TMEM132C: variants seen among roughly 807,000 people sequenced by gnomAD.
TMEM132C encodes transmembrane protein 132C, also known as protein phosphatase 1, regulatory subunit 152.
A neutral mutation model predicts 61.4 loss-of-function variants in TMEM132C; 29 were observed. The observed-to-expected ratio is 0.47, with a 90% CI of 0.35 to 0.64. The LOEUF is 0.64. TMEM132C is among the 30% of genes least tolerant of loss of function. TMEM132C has a pLI of 0.00. For synonymous variants in TMEM132C, 656 were observed against 633.1 expected, an observed-to-expected ratio of 1.04 and a Z score of -0.54; for missense variants, 1,408 against 1,476.9, an observed-to-expected ratio of 0.95 and a Z score of 0.76.
intron 1 of TMEM132C, among the ~76,000 whole-genome samples, chr12:128,347,431 C>T (rs958655955): frequency 1.4e-5 from 2 of 139,340 alleles, no homozygotes; most frequent in Non-Finnish European, 3.0e-5. Context: ...CTCTCTCTCT[C>T]TCTCTCTCCT....
intron 2 of TMEM132C, among the ~76,000 whole-genome samples, chr12:128,501,583 G>T (rs1210653568): frequency 6.6e-6 from 1 of 152,162 alleles, no homozygotes; most frequent in African/African-American, 2.4e-5. Flanking sequence ...AACATGGGCT[G>T]TGACGTGCTC....
rs562758406 is a variant in TMEM132C, at chr12:128,486,442, G to A, written c.975-57515G>A. Among the ~76,000 whole-genome samples the A allele has an allele frequency of 2.5e-3, 376 of 152,148 alleles. 1 individual carries two copies. Among genetic ancestry groups the A allele is most frequent in the Non-Finnish European group, 4.4e-3 (301 of 68,018 alleles). ...AAATGGATTGGGAGGAAATTAGCCC[G>A]AGGAGAGTCTACAAGCTAAGAGGCA... On this transcript the variant is annotated intron_variant, in intron 2 of 8. Coordinates refer to ENST00000435159, the MANE Select transcript of TMEM132C (RefSeq NM_001136103.3).
At chr12:128,374,534 G>A (rs1421265181) in intron 1 of TMEM132C, among the ~76,000 whole-genome samples, 3 of 152,074 alleles carry the variant, frequency 2.0e-5, no homozygotes, top group Non-Finnish European at 1.5e-5. Flanking sequence ...GGGTGGGTTT[G>A]GCTATTTGGC....
At chr12:128,573,111 C>A (rs1874953296) in intron 3 of TMEM132C, among the ~76,000 whole-genome samples, 1 of 152,112 alleles carries the variant, frequency 6.6e-6, no homozygotes, top group African/African-American at 2.4e-5. Flanking sequence ...GGTATATACC[C>A]AAAGGATTAT....
chr12:128,579,793 G>A (rs1283310490), intron 3 of TMEM132C, among the ~76,000 whole-genome samples: 1 of 152,160 alleles, frequency 6.6e-6, no homozygotes, highest in Admixed American at 6.5e-5. Flanking sequence ...GGAGAGATGG[G>A]CTGATTGATA....
intron 4 of TMEM132C, among the ~76,000 whole-genome samples, chr12:128,634,286 G>C (rs1954084261): frequency 6.6e-6 from 1 of 152,192 alleles, no homozygotes; most frequent in South Asian, 2.1e-4. Flanking sequence ...ATGTTGCCCA[G>C]CTAGTCTCAA....
At chr12:128,498,063 TGGG>T (rs1872031002) in intron 2 of TMEM132C, among the ~76,000 whole-genome samples, 1 of 152,178 alleles carries the variant, frequency 6.6e-6, no homozygotes, top group Non-Finnish European at 1.5e-5. Flanking sequence ...CTAGCATGTT[TGGG>T]TGGGCTCATT....
At position 128,278,745 on chromosome 12, in the gene TMEM132C, CGTGTATGTGTGT is replaced by C. The variant is rs1378849916; in HGVS notation, c.85+11263_85+11274del. Among the ~76,000 whole-genome samples the C allele has an allele frequency of 1.5e-4, 21 of 135,674 alleles. No individual in the cohort carries two copies. Among genetic ancestry groups the C allele is most frequent in the Non-Finnish European group, 2.5e-4 (16 of 64,206 alleles). 89.0% of individuals were successfully genotyped at this position (135,674 alleles called of 152,430 possible). On this transcript the variant is annotated intron_variant, in intron 1 of 8. Transcript: ENST00000435159. This position sits in a 1 kb window ranked among gnomAD's most constrained non-coding sequence, Gnocchi z 4.2. ...ATATTTGTGCAGACTTGATTCTATACGTGTATGTGTGTGTGTGTGTGTGTGTGTGTGTGTGTG... is the reference window on the plus strand; with the variant it reads ...ATATTTGTGCAGACTTGATTCTATACGTGTGTGTGTGTGTGTGTGTGTGTG...
intron 4 of TMEM132C, among the ~76,000 whole-genome samples, chr12:128,650,592 G>A (rs1159137390): frequency 2.6e-5 from 4 of 152,028 alleles, no homozygotes; most frequent in Admixed American, 2.0e-4. Context: ...TCAGGGCAAG[G>A]ATAGTGCATG....
At chr12:128,288,146 C>T (rs1012517975) in intron 1 of TMEM132C, 5 of 151,622 alleles carry the variant, frequency 3.3e-5, no homozygotes, top group South Asian at 2.1e-4. Context: ...GCGACCTCTG[C>T]CTCCCGGGTT....
chr12:128,399,680 C>T (rs566490899), intron 1 of TMEM132C, among the ~76,000 whole-genome samples: 7 of 152,170 alleles, frequency 4.6e-5, no homozygotes, highest in Middle Eastern at 3.4e-3. Context: ...AAACATGACT[C>T]GGAAAGACTT....
intron 1 of TMEM132C, among the ~76,000 whole-genome samples, chr12:128,324,143 C>T (rs1405901427): frequency 2.0e-5 from 3 of 152,130 alleles, no homozygotes; most frequent in Admixed American, 1.3e-4. Flanking sequence ...CACAGAGTCA[C>T]GTGGCAAGCA....
chr12:128,488,668 AT>A (rs1228318715), intron 2 of TMEM132C, among the ~76,000 whole-genome samples: 3 of 151,782 alleles, frequency 2.0e-5, no homozygotes, highest in Admixed American at 6.6e-5. Flanking sequence ...CTCAAAAAAA[AT>A]ATAGAAAGAT....
chr12:128,544,294 G>A (rs73159898), intron 3 of TMEM132C, among the ~76,000 whole-genome samples, 191 bp downstream of exon 3: 6 of 152,358 alleles, frequency 3.9e-5, no homozygotes, highest in East Asian at 3.9e-4. Flanking sequence ...GGGGTGGGGC[G>A]CTCGCTCTGC....
At chr12:128,676,635 C>T (rs1281937581) in intron 5 of TMEM132C, among the ~76,000 whole-genome samples, 1 of 152,108 alleles carries the variant, frequency 6.6e-6, no homozygotes, top group Non-Finnish European at 1.5e-5. Context: ...TTTTGTTAAC[C>T]ACAAACTGTC....
chr12:128,535,320 A>G (rs577352397), intron 2 of TMEM132C, among the ~76,000 whole-genome samples: 27 of 152,344 alleles, frequency 1.8e-4, no homozygotes, highest in Non-Finnish European at 2.8e-4. Context: ...AATGGGAGAA[A>G]ATGTTTGCAA....
chr12:128,348,902 A>C lies in TMEM132C; in HGVS notation c.86-65830A>C, dbSNP rs79551562. Among the ~76,000 whole-genome samples, 818 of 152,376 alleles carry C rather than the reference A, an allele frequency of 5.4e-3. 9 individuals are homozygous for C. Among genetic ancestry groups the C allele is most frequent in the African/African-American group, 0.019 (779 of 41,594 alleles). ...GATGTGTCACTGAGAGAATTGGCTG[A>C]AAATACCAGTTGCCAATTATGACAT... On this transcript the variant is annotated intron_variant, in intron 1 of 8. Coordinates refer to ENST00000435159, the MANE Select transcript of TMEM132C (RefSeq NM_001136103.3).
rs77715737 is a variant in TMEM132C, at chr12:128,351,711, G to C, written c.86-63021G>C. 5.0e-3 allele frequency among the ~76,000 whole-genome samples: 762 copies of C among 152,220 alleles called. 7 individuals are homozygous for C. Among genetic ancestry groups the C allele is most frequent in the African/African-American group, 0.017 (724 of 41,510 alleles). ...ACAACCAGTTCTTGTGGGAACTAAG[G>C]GGGAGGGCTGACTCACTCCCGTGAG... On this transcript the variant is annotated intron_variant, in intron 1 of 8. Coordinates refer to ENST00000435159, the MANE Select transcript of TMEM132C (RefSeq NM_001136103.3).
At chr12:128,337,932 T>C (rs555426496) in intron 1 of TMEM132C, among the ~76,000 whole-genome samples, 214 of 152,288 alleles carry the variant, frequency 1.4e-3, no homozygotes, top group African/African-American at 4.6e-3. Flanking sequence ...CTTGATGTTA[T>C]AGTAACAGTG....
Sources: gnomAD v4.1 joint callset for allele counts (sites outside exome capture counted in the v4.1 genomes callset) on GRCh38, gnomAD v4.1.1 for gene constraint, Gnocchi (gnomAD v3.1) non-coding constraint, MANE v1.5 for transcripts, NCBI Gene and HGNC (gene_info 2026-07-23, HGNC 2026-07-21) for gene names.